Variants in NID1 observed in about 807,000 individuals in gnomAD.
NID1 encodes the protein nidogen-1.
In NID1, 76 loss-of-function variants were observed where a neutral mutation model predicts 130.6. The observed-to-expected ratio is 0.58, with a 90% CI of 0.48 to 0.70. NID1 has a LOEUF of 0.70. NID1 is among the 30% of genes least tolerant of loss of function. The probability of loss-of-function intolerance (pLI) is 0.00; values close to 1 mark genes in which losing one functional copy is unlikely to be tolerated. For synonymous variants in NID1, 665 were observed against 675.1 expected (o/e 0.98, Z 0.23); for missense variants, 1,517 against 1,664.8 (o/e 0.91, Z 1.54).
intron 2 of NID1, among the ~76,000 whole-genome samples, chr1:236,048,391 C>A (rs1465803459): frequency 6.6e-6 from 1 of 152,008 alleles, no homozygotes; most frequent in African/African-American, 2.4e-5. Flanking sequence ...CTATCTGCCA[C>A]CTGAGGTAAG....
At chr1:236,021,281 G>A (rs1411683977) in intron 9 of NID1, among the ~76,000 whole-genome samples, 1 of 152,186 alleles carries the variant, frequency 6.6e-6, no homozygotes, top group East Asian at 1.9e-4. Context: ...GGAAACTGAC[G>A]ATTGCAGGTG....
chr1:236,008,406 C>CTGTCCTTTACT (rs1404469089), intron 12 of NID1, among the ~76,000 whole-genome samples: 1 of 152,198 alleles, frequency 6.6e-6, no homozygotes, highest in Non-Finnish European at 1.5e-5. Context: ...CAAATAAGTG[C>CTGTCCTTTACT]TGTATGATCC....
intron 12 of NID1, among the ~76,000 whole-genome samples, chr1:236,011,613 A>G (rs541147982): frequency 3.3e-5 from 5 of 152,292 alleles, no homozygotes; most frequent in South Asian, 2.1e-4. Context: ...TACCATTTCA[A>G]AGAATGCTCT....
chr1:236,039,230 T>C (rs996923498), intron 4 of NID1, among the ~76,000 whole-genome samples: 5 of 147,958 alleles, frequency 3.4e-5, no homozygotes, highest in Non-Finnish European at 7.4e-5. Flanking sequence ...AATTATATGA[T>C]ATAATTTTTT....
chr1:236,030,286 C>T (rs1333061648), intron 6 of NID1, among the ~76,000 whole-genome samples: 1 of 152,160 alleles, frequency 6.6e-6, no homozygotes, highest in Admixed American at 6.5e-5. Flanking sequence ...TTAGGAACTC[C>T]TCTTGGTCTG....
rs574176416 is a variant in NID1, at chr1:236,003,109, T to C, written c.2527+8812A>G. On this transcript the variant is annotated intron_variant, in intron 12 of 19. Transcript: ENST00000264187. ...GTTGTCACTCCTAGTGAACGACTGGTAGTTGTCACTCCTAGTGAACGACTG... is the reference window on the plus strand; with the variant it reads ...GTTGTCACTCCTAGTGAACGACTGGCAGTTGTCACTCCTAGTGAACGACTG... Among the ~76,000 whole-genome samples the C allele has an allele frequency of 1.4e-4, 21 of 148,978 alleles. 1 individual carries two copies. The East Asian group carries it at 3.7e-3, about 27-fold the overall frequency.
chr1:236,055,319 A>AATG (rs1308567418), intron 1 of NID1, among the ~76,000 whole-genome samples: 1 of 151,584 alleles, frequency 6.6e-6, no homozygotes, highest in Non-Finnish European at 1.5e-5. Context: ...TAATAATAAT[A>AATG]ATAATAATAA....
Position 235,978,988 on chromosome 1 carries a change from G to C in NID1, c.3622+7C>G. On this transcript the variant is annotated splice_region_variant and intron_variant, in intron 19 of 19. Transcript: ENST00000264187. ...GTATGCCAACAGTAACAGCACAGGAGAGTTACCTTGCGGACACTGAGACAG... is the reference window on the plus strand; with the variant it reads ...GTATGCCAACAGTAACAGCACAGGACAGTTACCTTGCGGACACTGAGACAG... 2 of 1,598,106 alleles carry C rather than the reference G, an allele frequency of 1.3e-6. No homozygotes were observed. The highest frequency in any genetic ancestry group is 1.7e-6 in the Non-Finnish European group (2 of 1,165,506).
At chr1:236,024,620 T>C (rs1486432496) in intron 8 of NID1, among the ~76,000 whole-genome samples, 2 of 152,192 alleles carry the variant, frequency 1.3e-5, no homozygotes, top group Non-Finnish European at 2.9e-5. Context: ...TTCTTTCTGC[T>C]TCATAAAGTT....
At chr1:235,993,217 C>A (rs1328458444) in intron 13 of NID1, among the ~76,000 whole-genome samples, 1 of 152,208 alleles carries the variant, frequency 6.6e-6, no homozygotes, top group East Asian at 1.9e-4. Context: ...GGGCACAGAG[C>A]CCTGGGGAAG....
intron 11 of NID1, 81 bp downstream of exon 11, chr1:236,013,330 G>T: frequency 6.8e-7 from 1 of 1,474,494 alleles, no homozygotes; most frequent in Non-Finnish European, 9.4e-7. Context: ...TTGGGAGTGA[G>T]TTGGTGATTG....
At chr1:236,019,283 A>T (rs1384298036) in intron 9 of NID1, among the ~76,000 whole-genome samples, 5 of 152,248 alleles carry the variant, frequency 3.3e-5, no homozygotes, top group Non-Finnish European at 4.4e-5. Flanking sequence ...TCCTGTGTCC[A>T]CTGCCTCTGT....
intron 15 of NID1, 23 bp from the exon 16 acceptor site, chr1:235,981,805 T>G (rs773773447): frequency 1.3e-6 from 2 of 1,568,330 alleles, no homozygotes; most frequent in Non-Finnish European, 1.7e-6. Flanking sequence ...ACAGAGCTCC[T>G]CTAATTTTTT....
At chr1:236,029,835 T>C in intron 6 of NID1, 85 bp from the exon 7 acceptor site, 1 of 1,322,686 alleles carries the variant, frequency 7.6e-7, no homozygotes, top group Non-Finnish European at 1.1e-6. Context: ...GGAGTGGGGT[T>C]GGTGCGAACG....
chr1:236,029,770 T>C lies in NID1; in HGVS notation c.1538-20A>G. ...CACCCCCTGAAAAACAAGATGAGAC[T>C]GTCACTTTGCTGACTGGGGAGCGCG... On this transcript the variant is annotated intron_variant, in intron 6 of 19. Coordinates refer to ENST00000264187, the MANE Select transcript of NID1 (RefSeq NM_002508.3). The C allele has an allele frequency of 6.2e-7, 1 of 1,613,506 alleles. No individual in the cohort carries two copies. Among genetic ancestry groups the C allele is most frequent in the Non-Finnish European group, 8.5e-7 (1 of 1,179,642 alleles).
chr1:236,039,400 T>C (rs1446612391), intron 4 of NID1, among the ~76,000 whole-genome samples: 3 of 151,616 alleles, frequency 2.0e-5, no homozygotes, highest in Non-Finnish European at 4.4e-5. Context: ...TAATTTTAAA[T>C]CACCTCCCAC....
chr1:236,007,442 G>T (rs796082167), intron 12 of NID1, among the ~76,000 whole-genome samples: 1 of 152,122 alleles, frequency 6.6e-6, no homozygotes, highest in Non-Finnish European at 1.5e-5. Context: ...CCACTGCCTG[G>T]TCTTCCATAC....
chr1:235,980,354 G>C lies in NID1; in HGVS notation c.3385+142C>G, dbSNP rs1657400480. 9 of 807,956 alleles carry C rather than the reference G, an allele frequency of 1.1e-5. No individual in the cohort carries two copies. In the East Asian group the frequency reaches 2.4e-4, roughly 22 times the overall value. 50.0% of individuals were successfully genotyped at this position (807,956 alleles called of 1,614,324 possible). A position where few individuals can be genotyped will look rare whatever the true frequency, so the allele number is the denominator to read the frequency against. ...GTACCAGTATATATTTAATGTACCA[G>C]ATAAAACCGTAAAAACCATTCATAG... is the stretch of plus-strand genomic sequence containing the variant. On this transcript the variant is annotated intron_variant, in intron 17 of 19. Transcript: ENST00000264187.
chr1:235,983,440 TC>T (rs1266691316), intron 15 of NID1, among the ~76,000 whole-genome samples: 1 of 152,190 alleles, frequency 6.6e-6, no homozygotes, highest in Non-Finnish European at 1.5e-5. Context: ...GAGACTGACC[TC>T]CAAAGGTCCC....
Sources: gnomAD v4.1 joint callset for allele counts (sites outside exome capture counted in the v4.1 genomes callset) on GRCh38, gnomAD v4.1.1 for gene constraint, MANE v1.5 for transcripts, NCBI Gene and HGNC (gene_info 2026-07-23, HGNC 2026-07-21) for gene names.